CAPZB: variants seen among roughly 807,000 people sequenced by gnomAD.
CAPZB encodes F-actin-capping protein subunit beta.
A neutral mutation model predicts 38.1 loss-of-function variants in CAPZB; 2 were observed. The ratio of observed to expected loss-of-function variants is 0.05; its 90% confidence interval spans 0.02 to 0.17. CAPZB has a LOEUF of 0.17. Among genes scored for constraint, CAPZB ranks in the 10% least tolerant of loss-of-function variants. CAPZB has a pLI of 1.00. For missense variants in CAPZB, 161 were observed against 334.2 expected, an observed-to-expected ratio of 0.48 and a Z score of 4.04; for synonymous variants, 107 against 127.4, an observed-to-expected ratio of 0.84 and a Z score of 1.08.
At chr1:19,400,136 C>T (rs1267201514) in intron 2 of CAPZB, among the ~76,000 whole-genome samples, 17 of 152,018 alleles carry the variant, frequency 1.1e-4, no homozygotes, top group Admixed American at 9.8e-4. Context: ...GGAGAGATTC[C>T]GAGCCCACCC....
intron 8 of CAPZB, chr1:19,342,762 T>C (rs761265443): frequency 3.5e-5 from 56 of 1,608,116 alleles, no homozygotes; most frequent in Non-Finnish European, 4.7e-5. Flanking sequence ...CTGGATCGGC[T>C]TAATTATCAG....
intron 8 of CAPZB, chr1:19,342,663 C>T: frequency 1.3e-6 from 1 of 794,950 alleles, no homozygotes; most frequent in Non-Finnish European, 2.2e-6. Flanking sequence ...TTTAAATGGC[C>T]GCGGAGCAGC....
chr1:19,341,339 G>A (rs775048890), intron 8 of CAPZB, among the ~76,000 whole-genome samples: 5 of 152,164 alleles, frequency 3.3e-5, no homozygotes, highest in Admixed American at 1.3e-4. Context: ...CGGGAGATGC[G>A]GCGGGCAAAG....
rs1213386743 is a variant in CAPZB at position 19,450,158 on chromosome 1, A to AG, written c.4-30409_4-30408insC. Among the ~76,000 whole-genome samples the AG allele has an allele frequency of 6.2e-4, 75 of 120,732 alleles. 1 individual carries two copies. The highest frequency in any genetic ancestry group is 2.1e-3 in the African/African-American group (72 of 33,800). The allele number at this position is 120,732 out of a possible 152,430, so 79.2% of individuals were successfully genotyped here. On this transcript the variant is annotated intron_variant, in intron 1 of 8. Transcript: ENST00000264202. The stretch of plus-strand genomic sequence containing the variant: ...GACCCTGTCTCCAAAAAAAAAAAAA[A>AG]AAAAAAAAAAAGAAAAGAAAAGAAA...
intron 1 of CAPZB, among the ~76,000 whole-genome samples, chr1:19,446,388 G>T (rs776091440): frequency 2.6e-5 from 4 of 152,346 alleles, no homozygotes; most frequent in Middle Eastern, 3.4e-3. Flanking sequence ...AGTGAGCCAT[G>T]TAAGAAGTAA....
intron 1 of CAPZB, among the ~76,000 whole-genome samples, chr1:19,441,028 C>A (rs1369185582): frequency 6.6e-6 from 1 of 152,142 alleles, no homozygotes; most frequent in African/African-American, 2.4e-5. Context: ...CCACTGCACT[C>A]CAGCCTGGGC....
At chr1:19,387,794 T>A (rs902149307) in intron 2 of CAPZB, among the ~76,000 whole-genome samples, 1 of 152,218 alleles carries the variant, frequency 6.6e-6, no homozygotes, top group African/African-American at 2.4e-5. Flanking sequence ...CCCATCTGGG[T>A]GCCCATGCCC....
At chr1:19,448,109 C>A (rs767260108) in intron 1 of CAPZB, among the ~76,000 whole-genome samples, 2 of 152,194 alleles carry the variant, frequency 1.3e-5, no homozygotes, top group African/African-American at 4.8e-5. Context: ...AAGTAGTAGC[C>A]AGTCAACCTA....
chr1:19,461,015 G>A (rs1249707621), intron 1 of CAPZB, among the ~76,000 whole-genome samples: 1 of 150,218 alleles, frequency 6.7e-6, no homozygotes, highest in Non-Finnish European at 1.5e-5. Flanking sequence ...TCTCAAGGCT[G>A]GGAAAGGAAA....
At chr1:19,430,588 C>A (rs973642311) in intron 1 of CAPZB, among the ~76,000 whole-genome samples, 2 of 152,196 alleles carry the variant, frequency 1.3e-5, no homozygotes, top group Non-Finnish European at 2.9e-5. Context: ...AGAGTCGCTG[C>A]CCAGCAAGGA....
At chr1:19,421,763 T>C (rs1468434030) in intron 1 of CAPZB, among the ~76,000 whole-genome samples, 2 of 152,180 alleles carry the variant, frequency 1.3e-5, no homozygotes, top group East Asian at 3.8e-4. Context: ...TCTCTAGAAG[T>C]CTCTATTTAT....
chr1:19,483,223 C>T (rs1570391672), intron 1 of CAPZB, among the ~76,000 whole-genome samples: 1 of 151,102 alleles, frequency 6.6e-6, no homozygotes, highest in Non-Finnish European at 1.5e-5. Flanking sequence ...CTGCTCCTCC[C>T]CCCTTGCCAT....
At chr1:19,457,765 T>G (rs2094537491) in intron 1 of CAPZB, among the ~76,000 whole-genome samples, 1 of 152,152 alleles carries the variant, frequency 6.6e-6, no homozygotes, top group East Asian at 1.9e-4. Flanking sequence ...GTAAAAGTGT[T>G]CATACTGTGG....
chr1:19,428,117 T>G (rs1264929504), intron 1 of CAPZB, among the ~76,000 whole-genome samples: 2 of 152,206 alleles, frequency 1.3e-5, no homozygotes, highest in African/African-American at 4.8e-5. Flanking sequence ...TGTAACCATT[T>G]TAGGGCTGGA....
rs367921875 is a variant in CAPZB at position 19,447,067 on chromosome 1, A to G, written c.4-27317T>C. ...ACCACCCCACTGCCCAAAAAATGAC[A>G]CCTGCCACACTCAAGATTATGGTGG... On this transcript the variant is annotated intron_variant, in intron 1 of 8. Transcript: ENST00000264202. Among the ~76,000 whole-genome samples the G allele has an allele frequency of 3.6e-4, 54 of 152,046 alleles. No homozygotes were observed. In the South Asian group the frequency reaches 0.01, roughly 29 times the overall value.
intron 6 of CAPZB, among the ~76,000 whole-genome samples, chr1:19,355,056 C>T (rs2094012795): frequency 6.6e-6 from 1 of 152,178 alleles, no homozygotes; most frequent in Non-Finnish European, 1.5e-5. Context: ...GGCCTCCAGC[C>T]CCTCTGACAC....
intron 4 of CAPZB, among the ~76,000 whole-genome samples, chr1:19,359,435 G>T (rs2094040850): frequency 1.3e-5 from 2 of 152,140 alleles, no homozygotes; most frequent in Admixed American, 6.5e-5. Context: ...CCGATACTCA[G>T]GTGGGCTACC....
At chr1:19,412,803 G>A (rs2094362912) in intron 2 of CAPZB, among the ~76,000 whole-genome samples, 1 of 152,182 alleles carries the variant, frequency 6.6e-6, no homozygotes, top group Admixed American at 6.5e-5. Context: ...AACATTTACT[G>A]ATAGCTGGGC....
At chr1:19,404,022 C>A (rs1177967056) in intron 2 of CAPZB, among the ~76,000 whole-genome samples, 1 of 151,420 alleles carries the variant, frequency 6.6e-6, no homozygotes, top group African/African-American at 2.4e-5. Context: ...CACTTGAGGT[C>A]GGGAGTTTGA....
Sources: allele counts gnomAD v4.1 joint callset (sites outside exome capture counted in the v4.1 genomes callset), GRCh38; gene constraint gnomAD v4.1.1; transcripts MANE v1.5; gene names NCBI Gene and HGNC (gene_info 2026-07-23, HGNC 2026-07-21).